The following NCOA1 variants were observed in gnomAD, a reference collection of about 807,000 sequenced individuals.
NCOA1 encodes the protein nuclear receptor coactivator 1.
NCOA1 carries 35 observed loss-of-function variants against 150.9 expected under a neutral mutation model. The ratio of observed to expected loss-of-function variants is 0.23; its 90% confidence interval spans 0.18 to 0.31. The LOEUF (loss-of-function observed/expected upper bound fraction) is 0.31, where lower values mean the gene tolerates loss of function less well. Ranked by LOEUF, NCOA1 falls within the 10% of genes least tolerant of loss-of-function variation. NCOA1 has a pLI of 1.00. For synonymous variants in NCOA1, 590 were observed against 630.0 expected (o/e 0.94, Z 0.95); for missense variants, 1,491 against 1,749.3 (o/e 0.85, Z 2.63).
chr2:24,648,939 G>C (rs1469820262), intron 4 of NCOA1, among the ~76,000 whole-genome samples: 2 of 151,834 alleles, frequency 1.3e-5, no homozygotes, highest in Non-Finnish European at 2.9e-5. Flanking sequence ...ATTTGATTTT[G>C]GATAATCATT....
intron 1 of NCOA1, among the ~76,000 whole-genome samples, chr2:24,531,856 T>C (rs1664914716): frequency 6.6e-6 from 1 of 152,256 alleles, no homozygotes; most frequent in Non-Finnish European, 1.5e-5. Flanking sequence ...CAGTCTATCA[T>C]TGATGGACAT....
chr2:24,677,370 A>T (rs2148528419), intron 7 of NCOA1, among the ~76,000 whole-genome samples: 1 of 152,164 alleles, frequency 6.6e-6, no homozygotes, highest in East Asian at 1.9e-4. Context: ...ACAAACAAAA[A>T]AAACAAACCT....
chr2:24,666,157 G>A (rs991344317), intron 6 of NCOA1, among the ~76,000 whole-genome samples: 11 of 151,304 alleles, frequency 7.3e-5, no homozygotes, highest in East Asian at 1.9e-4. Context: ...GACTACAGGC[G>A]CCTGCCACTA....
chr2:24,647,855 G>C (rs186864253), intron 4 of NCOA1, among the ~76,000 whole-genome samples: 3 of 152,170 alleles, frequency 2.0e-5, no homozygotes, highest in Non-Finnish European at 4.4e-5. Flanking sequence ...GAGAAGTACT[G>C]TACTGGGTGA....
At chr2:24,523,463 A>G (rs936225131) in intron 1 of NCOA1, among the ~76,000 whole-genome samples, 50 of 150,724 alleles carry the variant, frequency 3.3e-4, no homozygotes, top group African/African-American at 1.2e-3. Context: ...AAAAATTGCC[A>G]GGTGTGGTGG....
intron 5 of NCOA1, among the ~76,000 whole-genome samples, chr2:24,659,432 A>G (rs1671084396): frequency 6.6e-6 from 1 of 152,190 alleles, no homozygotes; most frequent in Non-Finnish European, 1.5e-5. Context: ...AAGGAACCTA[A>G]TGCTAAGGAG....
At chr2:24,670,860 A>G (rs1671650229) in intron 6 of NCOA1, among the ~76,000 whole-genome samples, 1 of 152,236 alleles carries the variant, frequency 6.6e-6, no homozygotes, top group South Asian at 2.1e-4. Flanking sequence ...CCATTATTAT[A>G]AATAGTATGT....
intron 1 of NCOA1, among the ~76,000 whole-genome samples, chr2:24,496,814 C>T (rs960668029): frequency 6.6e-6 from 1 of 152,090 alleles, no homozygotes; most frequent in South Asian, 2.1e-4. Context: ...TACAATATTA[C>T]AAAGATATTT....
At chr2:24,532,994 C>T (rs556768286) in intron 1 of NCOA1, among the ~76,000 whole-genome samples, 78 of 152,180 alleles carry the variant, frequency 5.1e-4, no homozygotes, top group Non-Finnish European at 1.0e-3. Flanking sequence ...TGAAGAAAGT[C>T]ATTGGTAGCT....
chr2:24,492,982 AAAC>A (rs1191962402), intron 1 of NCOA1, among the ~76,000 whole-genome samples: 4 of 150,440 alleles, frequency 2.7e-5, no homozygotes, highest in East Asian at 3.9e-4. Flanking sequence ...AAAGCAAACA[AAAC>A]AACAACAATA....
At chr2:24,553,915 TTTC>T (rs1665966603) in intron 1 of NCOA1, among the ~76,000 whole-genome samples, 1 of 152,240 alleles carries the variant, frequency 6.6e-6, no homozygotes, top group Non-Finnish European at 1.5e-5. Context: ...ATGGAAGTGT[TTTC>T]TTGAGAAGGT....
chr2:24,493,655 G>A (rs1204912361), intron 1 of NCOA1, among the ~76,000 whole-genome samples: 1 of 151,550 alleles, frequency 6.6e-6, no homozygotes, highest in East Asian at 1.9e-4. Context: ...ACTTAAACTA[G>A]GATTATATAG....
chr2:24,738,493 A>G (rs1050777047), intron 17 of NCOA1, among the ~76,000 whole-genome samples: 1 of 152,192 alleles, frequency 6.6e-6, no homozygotes, highest in Non-Finnish European at 1.5e-5. Flanking sequence ...TGGCATGCCT[A>G]TGACCTGGAA....
rs772970404 is a variant in NCOA1 at position 24,768,516 on chromosome 2, CAAAAAA to C, written c.*145_*150del. On this transcript the variant is annotated 3_prime_UTR_variant, in exon 23 of 23. Coordinates refer to ENST00000348332, the MANE Select transcript of NCOA1 (RefSeq NM_003743.5). The stretch of plus-strand genomic sequence containing the variant: ...ATTCTTCAGGTCGTAGCATTTGGAG[CAAAAAA>C]AAAAAAAAAAAAAAAAAAAGGAGTT... 3.6e-3 allele frequency: 197 copies of C among 55,034 alleles called. No homozygotes were observed. Among genetic ancestry groups the C allele is most frequent in the East Asian group, 0.011 (40 of 3,602 alleles). The allele number at this position is 55,034 out of a possible 1,614,324, so 3.4% of individuals were successfully genotyped here. A position where few individuals can be genotyped will look rare whatever the true frequency, so the allele number is the denominator to read the frequency against.
intron 3 of NCOA1, among the ~76,000 whole-genome samples, chr2:24,618,192 C>T (rs1489019468): frequency 2.0e-5 from 3 of 152,140 alleles, no homozygotes; most frequent in Non-Finnish European, 4.4e-5. Context: ...ATTTGGCCTC[C>T]CTTTTTCACT....
At chr2:24,549,534 T>G (rs185302859) in intron 1 of NCOA1, among the ~76,000 whole-genome samples, 9 of 152,274 alleles carry the variant, frequency 5.9e-5, no homozygotes, top group Admixed American at 5.9e-4. Flanking sequence ...TCTATCACAT[T>G]GTCAGGCTGC....
Position 24,665,817 on chromosome 2 carries a change from A to G in NCOA1, c.158A>G (p.Asn53Ser). The part of the protein sequence containing the change: ...LEELAELLSA[N>S]ISDIDSLSVK... ...GAACTAGCTGAGTTACTGTCTGCCAACATTAGTGACATTGACAGCTTGAGT... is the reference window on the plus strand; with the variant it reads ...GAACTAGCTGAGTTACTGTCTGCCAGCATTAGTGACATTGACAGCTTGAGT... The change falls in exon 6 of 23, where the codon AAC becomes AGC. Residue 53 changes from asparagine to serine, a missense_variant. Physicochemically the swap from Asn to Ser is conservative, Grantham distance 46. Coordinates refer to ENST00000348332, the MANE Select transcript of NCOA1 (RefSeq NM_003743.5). 1 of 1,606,030 alleles carries G rather than the reference A, an allele frequency of 6.2e-7. No individual in the cohort carries two copies. The highest frequency in any genetic ancestry group is 8.5e-7 in the Non-Finnish European group (1 of 1,175,990).
At chr2:24,495,039 AG>A (rs1250644855) in intron 1 of NCOA1, among the ~76,000 whole-genome samples, 1 of 148,052 alleles carries the variant, frequency 6.8e-6, no homozygotes, top group Non-Finnish European at 1.5e-5. Context: ...AAAATGGCCT[AG>A]TGGCAACTAG....
At chr2:24,641,091 T>G (rs1263618286) in intron 3 of NCOA1, among the ~76,000 whole-genome samples, 1 of 151,922 alleles carries the variant, frequency 6.6e-6, no homozygotes, top group Non-Finnish European at 1.5e-5. Context: ...CAAATTCCTT[T>G]ATAACCTTTT....
Sources: allele counts gnomAD v4.1 joint callset (sites outside exome capture counted in the v4.1 genomes callset), GRCh38; gene constraint gnomAD v4.1.1; transcripts MANE v1.5; gene names NCBI Gene and HGNC (gene_info 2026-07-23, HGNC 2026-07-21).